ZNF534: variants seen among roughly 807,000 people sequenced by gnomAD.
ZNF534 encodes the protein zinc finger protein 534.
In ZNF534, 19 loss-of-function variants were observed where a neutral mutation model predicts 13.6. That is an observed-to-expected ratio of 1.40 (90% confidence interval 0.97 to 2.05). The LOEUF is 2.05. Among genes scored for constraint, ZNF534 ranks in the 30% most tolerant of loss-of-function variants. ZNF534 has a pLI of 0.00. For missense variants in ZNF534, 782 were observed against 796.3 expected (o/e 0.98, Z 0.22); for synonymous variants, 244 against 273.8 (o/e 0.89, Z 1.07).
At position 52,439,708 on chromosome 19, in the gene ZNF534, G is replaced by A. The variant is rs1393351885; in HGVS notation, c.*262G>A. Among the ~76,000 whole-genome samples the A allele has an allele frequency of 1.3e-5, 2 of 151,550 alleles. No homozygotes were observed. The highest frequency in any genetic ancestry group is 3.9e-4 in the East Asian group (2 of 5,144). ...TGGGAGGCAGAGCCTCCAGTGAGCC[G>A]AGTGAGCCACTGCACTCCAGCCTAG... is the stretch of plus-strand genomic sequence containing the variant. On this transcript the variant is annotated 3_prime_UTR_variant, in exon 5 of 5. Coordinates refer to ENST00000433050, the MANE Select transcript of ZNF534 (RefSeq NM_001143938.3).
At chr19:52,433,881 A>T (rs1257289671) in intron 2 of ZNF534, 74 bp from the exon 3 acceptor site, 11 of 1,580,692 alleles carry the variant, frequency 7.0e-6, no homozygotes, top group Middle Eastern at 3.3e-4. Context: ...GAGTCCTTAC[A>T]ACTGTCTTCT....
At chr19:52,446,684 C>A (rs2122723935), downstream of ZNF534, among the ~76,000 whole-genome samples, 1 of 152,238 alleles carries the variant, frequency 6.6e-6, no homozygotes, top group Non-Finnish European at 1.5e-5. Context: ...ATAGCAAGAC[C>A]TCATCTCTAC....
downstream of ZNF534, among the ~76,000 whole-genome samples, chr19:52,444,619 T>C (rs945436774): frequency 3.1e-4 from 47 of 151,530 alleles, no homozygotes; most frequent in African/African-American, 1.0e-3. Context: ...GGACCATCAG[T>C]TGGGGGCAGG....
chr19:52,451,273 A>G (rs1158236220), exon 5 of ZNF534: 10 of 1,003,064 alleles, frequency 1.0e-5, no homozygotes, highest in Non-Finnish European at 1.5e-5. Flanking sequence ...AACCGGCCCA[A>G]ACTTTGTGGG....
At position 52,440,899 on chromosome 19, in the gene ZNF534, C is replaced by CT. The variant is rs575100025; in HGVS notation, c.*1467dup. On this transcript the variant is annotated 3_prime_UTR_variant, in exon 5 of 5. Transcript: ENST00000433050. The stretch of plus-strand genomic sequence containing the variant: ...TTTGTAATCCATAGTGGAGATAAGT[C>CT]TTTTTTTTTTTTTTCCCCCGAAACA... Among the ~76,000 whole-genome samples, 210 of 141,696 alleles carry CT rather than the reference C, an allele frequency of 1.5e-3. No individual in the cohort carries two copies. The highest frequency in any genetic ancestry group is 1.4e-3 in the African/African-American group (54 of 38,900). The allele number at this position is 141,696 out of a possible 152,430, so 93.0% of individuals were successfully genotyped here. A position where few individuals can be genotyped will look rare whatever the true frequency, so the allele number is the denominator to read the frequency against.
At chr19:52,451,665 C>T (rs1226694138) in exon 5 of ZNF534, 1 of 657,644 alleles carries the variant, frequency 1.5e-6, no homozygotes, top group Non-Finnish European at 2.7e-6. Context: ...ATTCAGACAG[C>T]GCTTCCTTCT....
At position 52,441,394 on chromosome 19, in the gene ZNF534, A is replaced by G. The variant is rs952477561; in HGVS notation, c.*1948A>G. On this transcript the variant is annotated 3_prime_UTR_variant, in exon 5 of 5. Coordinates refer to ENST00000433050, the MANE Select transcript of ZNF534 (RefSeq NM_001143938.3). ...GCCAGGTGTGTTGGTATATGCATGT[A>G]TTCCCAGCTACTTGGGAGGCTGAGG... is the stretch of plus-strand genomic sequence containing the variant. 3.3e-5 allele frequency among the ~76,000 whole-genome samples: 5 copies of G among 152,200 alleles called. No individual in the cohort carries two copies. The highest frequency in any genetic ancestry group is 6.5e-5 in the Admixed American group (1 of 15,278).
intron 4 of ZNF534, among the ~76,000 whole-genome samples, chr19:52,450,695 TTG>T (rs757695255): frequency 0.036 from 1,148 of 31,960 alleles, 259 homozygotes; most frequent in African/African-American, 0.063. Context: ...GTTTTTGTTT[TTG>T]TTTTTTTTTT....
In ZNF534 at chr19:52,440,558, A is replaced by T. The variant is rs578012357; in HGVS notation, c.*1112A>T. Reference sequence around the variant, plus strand: ...CACTTTGGGAGGCTGAGGCAGACGGATCAGTTGAGGTCAGGAGTTTGAGAC... The same window carrying T: ...CACTTTGGGAGGCTGAGGCAGACGGTTCAGTTGAGGTCAGGAGTTTGAGAC... On this transcript the variant is annotated 3_prime_UTR_variant, in exon 5 of 5. Transcript: ENST00000433050. Among the ~76,000 whole-genome samples the T allele has an allele frequency of 3.9e-5, 6 of 152,266 alleles. No individual in the cohort carries two copies. The South Asian group carries it at 1.2e-3, about 32-fold the overall frequency.
At chr19:52,450,387 G>A (rs1189879977) in intron 4 of ZNF534, among the ~76,000 whole-genome samples, 1 of 151,994 alleles carries the variant, frequency 6.6e-6, no homozygotes, top group Non-Finnish European at 1.5e-5. Flanking sequence ...TTCTGCATAT[G>A]GGGATCCAGT....
exon 5 of ZNF534, chr19:52,451,780 G>T: frequency 1.4e-6 from 1 of 700,888 alleles, no homozygotes; most frequent in East Asian, 2.7e-5. Context: ...TGTTGGTGTT[G>T]TACTCTTTAA....
rs534932078 is a variant in ZNF534 at position 52,450,415 on chromosome 19, T to C, written c.272-772T>C. 2.0e-5 allele frequency among the ~76,000 whole-genome samples: 3 copies of C among 152,306 alleles called. No individual in the cohort carries two copies. The East Asian group carries it at 5.8e-4, about 29-fold the overall frequency. ...GATCCAGTTTTCCAGCACCATTTAT[T>C]GAAGACTGTCTTTTTTCCCAATGTA... is the stretch of plus-strand genomic sequence containing the variant. On this transcript the variant is annotated intron_variant, in intron 4 of 4. Coordinates refer to the ZNF534 transcript ENST00000301085.
Position 52,438,481 on chromosome 19 carries a change from C to G in ZNF534, c.1021C>G (p.Leu341Val). 1.1e-5 allele frequency: 18 copies of G among 1,597,914 alleles called. No individual in the cohort carries two copies. Among genetic ancestry groups the G allele is most frequent in the Non-Finnish European group, 1.5e-5 (18 of 1,171,554 alleles). The change falls in exon 5 of 5, where the codon CTA becomes GTA. Residue 341 changes from leucine (L) to valine (V), a missense_variant. Physicochemically the swap from Leu to Val is conservative, Grantham distance 32. Around this residue, in one of 5 missense-constraint regions of ZNF534, gnomAD observed 591 missense variants for 574.0 expected, o/e 1.03. Transcript: ENST00000433050. The stretch of plus-strand genomic sequence containing the variant: ...CAAGGTCTTCAGGCATAAGTCTTCC[C>G]TAACCACTCATCAGACAGTTCATAC... ...CGKVFRHKSS[L>V]TTHQTVHTGE...
downstream of ZNF534, among the ~76,000 whole-genome samples, chr19:52,442,599 A>G (rs2059180197): frequency 6.6e-6 from 1 of 152,172 alleles, no homozygotes; most frequent in Non-Finnish European, 1.5e-5. Context: ...CCGCTGGGTT[A>G]GGGTCCCCAT....
chr19:52,438,557 T>C lies in ZNF534; in HGVS notation c.1097T>C (p.Ile366Thr), dbSNP rs778481309. The C allele has an allele frequency of 1.9e-6, 3 of 1,576,104 alleles. No individual in the cohort carries two copies. Among genetic ancestry groups the C allele is most frequent in the South Asian group, 2.3e-5 (2 of 87,422 alleles). Reference sequence around the variant, plus strand: ...GAATGTGGCAAGGGGTTTAGTCGAATTGCATTCCTTGCAAGGCATCGGAAA... The same window carrying C: ...GAATGTGGCAAGGGGTTTAGTCGAACTGCATTCCTTGCAAGGCATCGGAAA... ...CNECGKGFSR[I>T]AFLARHRKVH... The change falls in exon 5 of 5, where the codon ATT becomes ACT. Residue 366 changes from isoleucine to threonine, a missense_variant. Physicochemically the swap from Ile to Thr is moderately conservative, Grantham distance 89. This residue lies in a region of ZNF534 where 591 missense variants were observed against 574.0 expected (regional missense o/e 1.03). Coordinates refer to ENST00000433050, the MANE Select transcript of ZNF534 (RefSeq NM_001143938.3).
At chr19:52,436,159 C>CCTG (rs2059127751) in intron 4 of ZNF534, among the ~76,000 whole-genome samples, 2 of 150,784 alleles carry the variant, frequency 1.3e-5, no homozygotes, top group Non-Finnish European at 3.0e-5. Context: ...AGGATGTTCT[C>CCTG]AATCTCCTGA....
At chr19:52,431,904 A>G (rs926868577) in intron 2 of ZNF534, among the ~76,000 whole-genome samples, 1 of 143,808 alleles carries the variant, frequency 7.0e-6, no homozygotes, top group South Asian at 2.3e-4. Flanking sequence ...CCCAGGCTGG[A>G]GTGTGGTTTT....
chr19:52,433,236 CAAAAAAAAAAAA>C (rs1171627054), intron 2 of ZNF534, among the ~76,000 whole-genome samples: 6 of 64,618 alleles, frequency 9.3e-5, no homozygotes, highest in African/African-American at 3.5e-4. Context: ...GATCCTATCT[CAAAAAAAAAAAA>C]AAAAAAAAAA....
At chr19:52,430,311 C>T (rs951133496) in intron 1 of ZNF534, among the ~76,000 whole-genome samples, 2 of 151,936 alleles carry the variant, frequency 1.3e-5, no homozygotes, top group Non-Finnish European at 2.9e-5. Flanking sequence ...CCACTGCGCC[C>T]GGCCTTGATG....
Sources: allele counts gnomAD v4.1 joint callset (sites outside exome capture counted in the v4.1 genomes callset), GRCh38; gene constraint gnomAD v4.1.1; regional missense constraint gnomAD v4.1.1; transcripts MANE v1.5; gene names NCBI Gene and HGNC (gene_info 2026-07-23, HGNC 2026-07-21).